Variants in SIK2 observed in about 807,000 individuals in gnomAD.
SIK2 encodes the protein salt inducible kinase 2.
Under a neutral mutation model 103.2 loss-of-function variants are expected in SIK2, and 29 were observed. The ratio of observed to expected loss-of-function variants is 0.28; its 90% confidence interval spans 0.21 to 0.38. The LOEUF is 0.38. Ranked by LOEUF, SIK2 falls within the 10% of genes least tolerant of loss-of-function variation. The probability of loss-of-function intolerance (pLI) is 1.00; values close to 1 mark genes in which losing one functional copy is unlikely to be tolerated. For synonymous variants in SIK2, 412 were observed against 446.1 expected, an observed-to-expected ratio of 0.92 and a Z score of 0.96; for missense variants, 879 against 1,171.0, an observed-to-expected ratio of 0.75 and a Z score of 3.64.
At chr11:111,681,104 G>GC (rs1942771903) in intron 3 of SIK2, among the ~76,000 whole-genome samples, 1 of 152,180 alleles carries the variant, frequency 6.6e-6, no homozygotes, top group African/African-American at 2.4e-5. Flanking sequence ...GGTAGCTGTT[G>GC]AAATGTCAAA....
chr11:111,670,309 A>G (rs1942608218), intron 3 of SIK2, among the ~76,000 whole-genome samples: 1 of 152,364 alleles, frequency 6.6e-6, no homozygotes, highest in Non-Finnish European at 1.5e-5. Flanking sequence ...GTAGTTTAAA[A>G]TACTGTGAAT....
intron 2 of SIK2, among the ~76,000 whole-genome samples, chr11:111,617,838 A>ATGTG (rs995268057): frequency 6.7e-6 from 1 of 149,998 alleles, no homozygotes; most frequent in South Asian, 2.2e-4. Context: ...GTGTTTGTGT[A>ATGTG]TGTGTGTGTG....
intron 1 of SIK2, among the ~76,000 whole-genome samples, chr11:111,614,053 A>C (rs1189498780): frequency 6.6e-6 from 1 of 150,378 alleles, no homozygotes; most frequent in Non-Finnish European, 1.5e-5. Flanking sequence ...CTCGGGGGTC[A>C]GTTGAAAGTA....
intron 3 of SIK2, among the ~76,000 whole-genome samples, chr11:111,662,491 A>G (rs1300299239): frequency 2.6e-5 from 4 of 151,776 alleles, no homozygotes; most frequent in African/African-American, 4.8e-5. Context: ...GCTCACACCT[A>G]TAGTCCCAGC....
intron 1 of SIK2, among the ~76,000 whole-genome samples, chr11:111,603,658 G>A (rs1941613317): frequency 6.6e-6 from 1 of 151,990 alleles, no homozygotes; most frequent in Non-Finnish European, 1.5e-5. Context: ...ATTTTAAGAC[G>A]TGCAAATTAA....
At position 111,687,918 on chromosome 11, in the gene SIK2, T is replaced by C. The variant is rs962075361; in HGVS notation, c.317-83T>C. 46 of 1,524,244 alleles carry C rather than the reference T, an allele frequency of 3.0e-5. No homozygotes were observed. In the Admixed American group the frequency reaches 6.2e-4, roughly 21 times the overall value. 94.4% of individuals were successfully genotyped at this position (1,524,244 alleles called of 1,614,324 possible). A position where few individuals can be genotyped will look rare whatever the true frequency, so the allele number is the denominator to read the frequency against. On this transcript the variant is annotated intron_variant, in intron 3 of 14. Coordinates refer to ENST00000304987, the MANE Select transcript of SIK2 (RefSeq NM_015191.3). Reference sequence around the variant, plus strand: ...CTGCTCCTGGCCAGAAAAAAAACTTTTTGAGGAAAAAAATTTCCTGACTAC... The same window carrying C: ...CTGCTCCTGGCCAGAAAAAAAACTTCTTGAGGAAAAAAATTTCCTGACTAC...
At chr11:111,677,933 T>C (rs1442963826) in intron 3 of SIK2, among the ~76,000 whole-genome samples, 1 of 152,240 alleles carries the variant, frequency 6.6e-6, no homozygotes, top group Non-Finnish European at 1.5e-5. Flanking sequence ...TTTTTACAAA[T>C]GTAAATTAGA....
At chr11:111,668,747 G>A (rs1942583433) in intron 3 of SIK2, among the ~76,000 whole-genome samples, 1 of 152,234 alleles carries the variant, frequency 6.6e-6, no homozygotes, top group African/African-American at 2.4e-5. Flanking sequence ...ATGGAAGACA[G>A]AGATGCAAAG....
At chr11:111,616,627 G>T (rs1433725774) in intron 2 of SIK2, among the ~76,000 whole-genome samples, 3 of 152,040 alleles carry the variant, frequency 2.0e-5, no homozygotes, top group Non-Finnish European at 2.9e-5. Flanking sequence ...GAGCAGGGAA[G>T]ATTACTTGAG....
In SIK2 at chr11:111,718,190, C is replaced by G. The variant is rs148529891; in HGVS notation, c.1267-1585C>G. 9.8e-5 allele frequency among the ~76,000 whole-genome samples: 15 copies of G among 152,292 alleles called. No individual in the cohort carries two copies. In the East Asian group the frequency reaches 2.9e-3, roughly 29 times the overall value. ...CAATAGATAATTAATTAATGATCTTCTTTTCTCTGTTGGCTTATTCATTTC... is the reference window on the plus strand; with the variant it reads ...CAATAGATAATTAATTAATGATCTTGTTTTCTCTGTTGGCTTATTCATTTC... On this transcript the variant is annotated intron_variant, in intron 9 of 14. Coordinates refer to ENST00000304987, the MANE Select transcript of SIK2 (RefSeq NM_015191.3).
chr11:111,719,894 C>T lies in SIK2; in HGVS notation c.1386C>T (p.Ala462=), dbSNP rs200427353. Reference sequence around the variant, plus strand: ...AAGGGCTGGAGACAGAAGGAGAGGCCGAGGAAGACCCCGCTCATGCCTTTG... The same window carrying T: ...AAGGGCTGGAGACAGAAGGAGAGGCTGAGGAAGACCCCGCTCATGCCTTTG... ...IDEGLETEGE[A]EEDPAHAFEA... The change falls in exon 10 of 15, where the codon GCC becomes GCT. Residue 462 remains alanine, a synonymous_variant. Coordinates refer to ENST00000304987, the MANE Select transcript of SIK2 (RefSeq NM_015191.3). 1.8e-4 allele frequency: 292 copies of T among 1,614,076 alleles called. 1 individual carries two copies. The East Asian group carries it at 5.4e-3, about 30-fold the overall frequency.
chr11:111,646,217 A>C (rs181671968), intron 3 of SIK2, among the ~76,000 whole-genome samples: 210 of 152,338 alleles, frequency 1.4e-3, no homozygotes, highest in African/African-American at 4.8e-3. Flanking sequence ...TGGGAGGCCA[A>C]GGTGGGTGGA....
intron 3 of SIK2, among the ~76,000 whole-genome samples, chr11:111,686,009 T>C (rs900063317): frequency 2.6e-5 from 4 of 152,228 alleles, no homozygotes; most frequent in African/African-American, 9.7e-5. Flanking sequence ...ACTTAATCCC[T>C]CTGATTGTCA....
chr11:111,641,488 C>T (rs972377239), intron 3 of SIK2, among the ~76,000 whole-genome samples: 1 of 152,188 alleles, frequency 6.6e-6, no homozygotes, highest in Non-Finnish European at 1.5e-5. Flanking sequence ...CTTAGTCTTA[C>T]AGATTTTTCT....
chr11:111,655,960 A>T (rs1026320497), intron 3 of SIK2, among the ~76,000 whole-genome samples: 2 of 150,112 alleles, frequency 1.3e-5, no homozygotes, highest in Non-Finnish European at 1.5e-5. Flanking sequence ...AGGCAGGAGG[A>T]TTGCTTAAGC....
At chr11:111,706,751 G>C (rs1303199702) in intron 8 of SIK2, among the ~76,000 whole-genome samples, 2 of 152,074 alleles carry the variant, frequency 1.3e-5, no homozygotes, top group Non-Finnish European at 2.9e-5. Context: ...CACAAGGTCA[G>C]TAGATCAAGA....
Position 111,724,278 on chromosome 11 carries a change from G to T in SIK2, c.*149G>T, listed in dbSNP as rs1364085813. 6.8e-6 allele frequency: 8 copies of T among 1,172,636 alleles called. No homozygotes were observed. The highest frequency in any genetic ancestry group is 2.9e-4 in the Middle Eastern group (1 of 3,402). 72.6% of individuals were successfully genotyped at this position (1,172,636 alleles called of 1,614,324 possible). On this transcript the variant is annotated 3_prime_UTR_variant, in exon 15 of 15. Coordinates refer to ENST00000304987, the MANE Select transcript of SIK2 (RefSeq NM_015191.3). ...CCAACTGGAATCAGAGGGTCTGGCTGGGGTGGATGTTGCTTCCTCCTGGTT... is the reference window on the plus strand; with the variant it reads ...CCAACTGGAATCAGAGGGTCTGGCTTGGGTGGATGTTGCTTCCTCCTGGTT...
At chr11:111,700,789 G>T in intron 4 of SIK2, 97 bp from the exon 5 acceptor site, 1 of 1,431,192 alleles carries the variant, frequency 7.0e-7, no homozygotes. Context: ...AAATAGTAGT[G>T]ATATTGTTAA....
chr11:111,721,652 A>G (rs1053228991), intron 12 of SIK2, among the ~76,000 whole-genome samples, 178 bp from the exon 13 acceptor site: 4 of 152,218 alleles, frequency 2.6e-5, no homozygotes, highest in Non-Finnish European at 4.4e-5. Context: ...TAATACATGC[A>G]TAAATGTTCT....
Sources: gnomAD v4.1 joint callset for allele counts (sites outside exome capture counted in the v4.1 genomes callset) on GRCh38, gnomAD v4.1.1 for gene constraint, MANE v1.5 for transcripts, NCBI Gene and HGNC (gene_info 2026-07-23, HGNC 2026-07-21) for gene names.